ZNF705G: variants seen among roughly 807,000 people sequenced by gnomAD.
ZNF705G encodes the protein putative zinc finger protein 705G.
Under a neutral mutation model 19.6 loss-of-function variants are expected in ZNF705G, and 23 were observed. The ratio of observed to expected loss-of-function variants is 1.17; its 90% CI spans 0.84 to 1.66. The LOEUF is 1.66. Ranked by LOEUF, ZNF705G falls within the 40% of genes most tolerant of loss-of-function variation. The probability of loss-of-function intolerance (pLI) is 0.00; values close to 1 mark genes in which losing one functional copy is unlikely to be tolerated. For missense variants in ZNF705G, 457 were observed against 354.4 expected (o/e 1.29, Z -2.32); for synonymous variants, 146 against 117.7 (o/e 1.24, Z -1.56).
intron 2 of ZNF705G, among the ~76,000 whole-genome samples, chr8:7,380,731 G>C (rs1446057583): frequency 2.7e-5 from 4 of 146,586 alleles, no homozygotes; most frequent in African/African-American, 5.5e-5. Flanking sequence ...TGTCACTGCT[G>C]GCACTTGAGA....
intron 2 of ZNF705G, among the ~76,000 whole-genome samples, chr8:7,363,598 A>G (rs569001140): frequency 6.7e-6 from 1 of 149,718 alleles, no homozygotes; most frequent in African/African-American, 2.6e-5. Context: ...AGGCACGTGG[A>G]TCACCTGAGG....
At chr8:7,360,621 A>G (rs1806530834) in intron 4 of ZNF705G, among the ~76,000 whole-genome samples, 1 of 149,526 alleles carries the variant, frequency 6.7e-6, no homozygotes, top group African/African-American at 2.6e-5. Context: ...CAATCTTTTC[A>G]GAAAGAGAGT....
Position 7,382,877 on chromosome 8 carries a change from G to T in ZNF705G, c.-221-1276C>A, listed in dbSNP as rs986702243. 5.4e-5 allele frequency among the ~76,000 whole-genome samples: 8 copies of T among 146,882 alleles called. 1 individual carries two copies. Among genetic ancestry groups the T allele is most frequent in the African/African-American group, 2.2e-4 (8 of 36,370 alleles). ...CATAGTGGTGAATTCTGAGATTTTA[G>T]TACACCTGTCACCTGAGTAGAGTAC... On this transcript the variant is annotated intron_variant, in intron 1 of 6. Coordinates refer to ENST00000400156, the MANE Select transcript of ZNF705G (RefSeq NM_001164457.3).
rs1807087151 is a variant in ZNF705G, at chr8:7,371,283, A to G, written c.-71-8266T>C. On this transcript the variant is annotated intron_variant, in intron 2 of 6. Transcript: ENST00000400156. ...AATCGACAAACTCACAAAAGCAGAG[A>G]GTAGAATGGTGGTTGCCAGGGGCCG... is the stretch of plus-strand genomic sequence containing the variant. Among the ~76,000 whole-genome samples, 2 of 118,376 alleles carry G rather than the reference A, an allele frequency of 1.7e-5. 1 individual carries two copies. The highest frequency in any genetic ancestry group is 3.6e-5 in the Non-Finnish European group (2 of 54,982). 77.7% of individuals were successfully genotyped at this position (118,376 alleles called of 152,430 possible). A position where few individuals can be genotyped will look rare whatever the true frequency, so the allele number is the denominator to read the frequency against.
At chr8:7,369,184 C>T (rs1806988692) in intron 2 of ZNF705G, among the ~76,000 whole-genome samples, 2 of 149,548 alleles carry the variant, frequency 1.3e-5, no homozygotes, top group African/African-American at 5.1e-5. Context: ...CTGGGTCACC[C>T]CACAACATGT....
rs1029869799 is a variant in ZNF705G at position 7,361,385 on chromosome 8, A to G, written c.13-149T>C. The G allele has an allele frequency of 4.3e-5, 59 of 1,381,682 alleles. 1 individual carries two copies. The highest frequency in any genetic ancestry group is 4.9e-5 in the Non-Finnish European group (51 of 1,034,212). 85.6% of individuals were successfully genotyped at this position (1,381,682 alleles called of 1,614,324 possible). ...AGTTCATTCTCAGTACTAAGCTGGT[A>G]TCTGCCTTTCAGATTCACTCACAGA... On this transcript the variant is annotated intron_variant, in intron 3 of 6. Coordinates refer to ENST00000400156, the MANE Select transcript of ZNF705G (RefSeq NM_001164457.3).
At chr8:7,362,629 CT>C (rs1336859805) in intron 3 of ZNF705G, among the ~76,000 whole-genome samples, 1 of 149,422 alleles carries the variant, frequency 6.7e-6, no homozygotes, top group Non-Finnish European at 1.5e-5. Flanking sequence ...CCTCTCATAT[CT>C]TTTTTTGTAA....
chr8:7,383,632 G>C (rs1158211699), intron 1 of ZNF705G, among the ~76,000 whole-genome samples: 1 of 148,446 alleles, frequency 6.7e-6, no homozygotes, highest in African/African-American at 2.6e-5. Flanking sequence ...CCCCAAAGTG[G>C]TGATGATATT....
Position 7,360,342 on chromosome 8 carries a change from G to C in ZNF705G, c.140-10C>G, listed in dbSNP as rs779149670. 16 of 1,588,074 alleles carry C rather than the reference G, an allele frequency of 1.0e-5. No individual in the cohort carries two copies. The Admixed American group carries it at 2.2e-4, about 22-fold the overall frequency. ...TTGCTTATCTGGTACCCTGTTAGTG[G>C]AAAGAATACATGTGTTTTGAGTTCA... On this transcript the variant is annotated splice_polypyrimidine_tract_variant and intron_variant, in intron 4 of 6. Coordinates refer to ENST00000400156, the MANE Select transcript of ZNF705G (RefSeq NM_001164457.3).
rs749928135 is a variant in ZNF705G at position 7,359,706 on chromosome 8, A to C, written c.236-5T>G. ...TCTTAAGGGCACTTTCCCTGTCTGA[A>C]ATAATTGAAAAATAAATTGTTACAT... On this transcript the variant is annotated splice_region_variant and splice_polypyrimidine_tract_variant and intron_variant, in intron 5 of 6. Coordinates refer to ENST00000400156, the MANE Select transcript of ZNF705G (RefSeq NM_001164457.3). 6 of 1,606,442 alleles carry C rather than the reference A, an allele frequency of 3.7e-6. No homozygotes were observed. Among genetic ancestry groups the C allele is most frequent in the Non-Finnish European group, 3.4e-6 (4 of 1,179,136 alleles).
chr8:7,360,106 T>A (rs1233483204), intron 5 of ZNF705G, 131 bp downstream of exon 5: 1 of 1,107,824 alleles, frequency 9.0e-7, no homozygotes, highest in African/African-American at 1.9e-5. Context: ...TCTAAGGAAT[T>A]CTGCTCCAGT....
rs1158604683 is a variant in ZNF705G at position 7,355,602 on chromosome 8, G to C, written c.*2374C>G. 2.7e-5 allele frequency: 4 copies of C among 149,828 alleles called. No individual in the cohort carries two copies. Among genetic ancestry groups the C allele is most frequent in the African/African-American group, 1.0e-4 (4 of 39,172 alleles). The allele number at this position is 149,828 out of a possible 1,614,324, so 9.3% of individuals were successfully genotyped here. A position where few individuals can be genotyped will look rare whatever the true frequency, so the allele number is the denominator to read the frequency against. ...ACAAAAGCCGATTGATTCCCTCTAT[G>C]TGGAGGGAAGACGAGCTTGAATAAG... On this transcript the variant is annotated 3_prime_UTR_variant, in exon 7 of 7. Coordinates refer to ENST00000400156, the MANE Select transcript of ZNF705G (RefSeq NM_001164457.3).
intron 5 of ZNF705G, among the ~76,000 whole-genome samples, 177 bp downstream of exon 5, chr8:7,360,060 A>C (rs1045357961): frequency 6.7e-6 from 1 of 149,514 alleles, no homozygotes; most frequent in African/African-American, 2.6e-5. Flanking sequence ...AGGACACAAG[A>C]GTAGCATCTG....
At chr8:7,381,020 C>A (rs1352626772) in intron 2 of ZNF705G, among the ~76,000 whole-genome samples, 983 of 2,178 alleles carry the variant, frequency 0.45, 333 homozygotes, top group Middle Eastern at 1. Context: ...TGTCTCAAAC[C>A]ACCACCAAAA....
At chr8:7,363,479 A>C (rs1289556732) in intron 2 of ZNF705G, among the ~76,000 whole-genome samples, 1 of 148,940 alleles carries the variant, frequency 6.7e-6, no homozygotes, top group Admixed American at 6.6e-5. Context: ...TTTTCACTCA[A>C]CTCTGACTTT....
chr8:7,363,460 C>A (rs984977518), intron 2 of ZNF705G, among the ~76,000 whole-genome samples: 4 of 149,166 alleles, frequency 2.7e-5, no homozygotes, highest in Admixed American at 2.6e-4. Context: ...AAGCCTTACT[C>A]CACTTTTATT....
intron 6 of ZNF705G, 58 bp from the exon 7 acceptor site, chr8:7,358,618 T>C: frequency 1.3e-6 from 2 of 1,598,760 alleles, no homozygotes; most frequent in Non-Finnish European, 1.7e-6. Context: ...TATACATTCA[T>C]TTCACTACCT....
At chr8:7,366,602 T>G (rs1806868527) in intron 2 of ZNF705G, among the ~76,000 whole-genome samples, 1 of 149,674 alleles carries the variant, frequency 6.7e-6, no homozygotes, top group Non-Finnish European at 1.5e-5. Flanking sequence ...GTATAGTACG[T>G]AAAAGTACCA....
rs182013616 is a variant in ZNF705G, at chr8:7,369,834, A to G, written c.-71-6817T>C. ...TCTTAGTTATAAGTGAGAACAAAGC[A>G]TTGGTTACACATGGACGTAAAGATC... On this transcript the variant is annotated intron_variant, in intron 2 of 6. Coordinates refer to ENST00000400156, the MANE Select transcript of ZNF705G (RefSeq NM_001164457.3). Among the ~76,000 whole-genome samples the G allele has an allele frequency of 9.0e-4, 134 of 148,808 alleles. 1 individual carries two copies. The highest frequency in any genetic ancestry group is 1.4e-3 in the Admixed American group (21 of 15,172).
Sources: allele counts gnomAD v4.1 joint callset (sites outside exome capture counted in the v4.1 genomes callset), GRCh38; gene constraint gnomAD v4.1.1; transcripts MANE v1.5; gene names NCBI Gene and HGNC (gene_info 2026-07-23, HGNC 2026-07-21).